Variants in SLFN11 observed in about 807,000 individuals in gnomAD.
SLFN11 encodes the protein schlafen family member 11.
Under a neutral mutation model 53.4 loss-of-function variants are expected in SLFN11, and 43 were observed. The ratio of observed to expected loss-of-function variants is 0.80; its 90% confidence interval spans 0.63 to 1.04. The LOEUF is 1.04. Among genes scored for constraint, SLFN11 ranks in the 50% least tolerant of loss-of-function variants. The pLI, the probability that SLFN11 is intolerant of heterozygous loss-of-function variation, is 0.00. For missense variants in SLFN11, 990 were observed against 1,079.1 expected (o/e 0.92, Z 1.16); for synonymous variants, 389 against 394.7 (o/e 0.99, Z 0.17).
chr17:35,352,242 T>C lies in SLFN11; in HGVS notation c.*114A>G. 7.3e-7 allele frequency: 1 copy of C among 1,364,484 alleles called. No homozygotes were observed. Among genetic ancestry groups the C allele is most frequent in the Non-Finnish European group, 1.0e-6 (1 of 997,794 alleles). 84.5% of individuals were successfully genotyped at this position (1,364,484 alleles called of 1,614,324 possible). A position where few individuals can be genotyped will look rare whatever the true frequency, so the allele number is the denominator to read the frequency against. On this transcript the variant is annotated 3_prime_UTR_variant, in exon 7 of 7. Transcript: ENST00000685675. Reference sequence around the variant, plus strand: ...AGCCAGAAATGGGGGAGCTCCAAACTCTTTGTGTCAGCTCCGTCCAAATCT... The same window carrying C: ...AGCCAGAAATGGGGGAGCTCCAAACCCTTTGTGTCAGCTCCGTCCAAATCT...
Position 35,352,909 on chromosome 17 carries a change from A to G in SLFN11, c.2153T>C (p.Leu718Pro), listed in dbSNP as rs768645411. Residue 718 changes from leucine to proline, a missense_variant, in exon 7 of 7, where the codon CTC (leucine) becomes CCC (proline). Leu to Pro is a moderately conservative substitution (Grantham distance 98, BLOSUM62 -3). Transcript: ENST00000685675. Reference sequence around the variant, plus strand: ...CTCTTCTCTTGGATATTGGTCTGAGAGAGGAGGGAGGCCACTGCAATCCAA... The same window carrying G: ...CTCTTCTCTTGGATATTGGTCTGAGGGAGGAGGGAGGCCACTGCAATCCAA... ...SHLDCSGLPP[L>P]SDQYPREELT... The G allele has an allele frequency of 1.9e-6, 3 of 1,614,160 alleles. No individual in the cohort carries two copies. The Admixed American group carries it at 5.0e-5, about 27-fold the overall frequency.
intron 5 of SLFN11, among the ~76,000 whole-genome samples, chr17:35,357,969 G>A (rs892114013): frequency 1.2e-4 from 17 of 145,154 alleles, no homozygotes; most frequent in Non-Finnish European, 2.3e-4. Flanking sequence ...TGTTTTTCAG[G>A]TTTTAATTTT....
At position 35,370,180 on chromosome 17, in the gene SLFN11, T is replaced by C. The variant is rs1438930169; in HGVS notation, c.-234-2480A>G. 2.6e-5 allele frequency among the ~76,000 whole-genome samples: 4 copies of C among 152,180 alleles called. No homozygotes were observed. In the East Asian group the frequency reaches 7.7e-4, roughly 29 times the overall value. Reference sequence around the variant, plus strand: ...AGGGATGCAAGGATGGTTCAACGTATGCAAATCAGTCAATGTGATACATCA... The same window carrying C: ...AGGGATGCAAGGATGGTTCAACGTACGCAAATCAGTCAATGTGATACATCA... On this transcript the variant is annotated intron_variant, in intron 1 of 6. Transcript: ENST00000685675.
At position 35,358,694 on chromosome 17, in the gene SLFN11, A is replaced by T. The variant is rs558275065; in HGVS notation, c.1198+1549T>A. Among the ~76,000 whole-genome samples, 21 of 152,256 alleles carry T rather than the reference A, an allele frequency of 1.4e-4. No homozygotes were observed. In the East Asian group the frequency reaches 3.9e-3, roughly 28 times the overall value. On this transcript the variant is annotated intron_variant, in intron 5 of 6. Transcript: ENST00000685675. ...TTATTTGCATAGATACACAGAAATG[A>T]TGAATTACATTAACTCTTTAAATGT...
rs1180554724 is a variant in SLFN11, at chr17:35,360,294, A to G, written c.1147T>C (p.Ser383Pro). The part of the protein sequence containing the change: ...SGPPLSRPVY[S>P]KKGLEHKKEL... ...TTTTTATGTTCCAGGCCTTTCTTGG[A>G]GTACACTGGTCTGCTAAGGGGAGGC... is the stretch of plus-strand genomic sequence containing the variant. The change falls in exon 5 of 7, where the codon TCC (serine) becomes CCC (proline). Residue 383 changes from serine to proline, a missense_variant. Around this residue, in one of 3 missense-constraint regions of SLFN11, gnomAD observed 521 missense variants for 516.2 expected, o/e 1.01. Transcript: ENST00000685675. The G allele has an allele frequency of 6.2e-7, 1 of 1,611,026 alleles. No homozygotes were observed. Among genetic ancestry groups the G allele is most frequent in the Non-Finnish European group, 8.5e-7 (1 of 1,179,138 alleles).
At chr17:35,361,238 G>A (rs1443025507) in intron 4 of SLFN11, among the ~76,000 whole-genome samples, 1 of 152,046 alleles carries the variant, frequency 6.6e-6, no homozygotes. Flanking sequence ...AAACATGTTT[G>A]GGAAGCAGTA....
At chr17:35,364,178 G>A (rs781685164) in intron 3 of SLFN11, among the ~76,000 whole-genome samples, 15 of 152,122 alleles carry the variant, frequency 9.9e-5, no homozygotes, top group Non-Finnish European at 1.5e-4. Context: ...GCAGTGGAGC[G>A]CATGAAGGGC....
In SLFN11 at chr17:35,350,376, CTT is replaced by C. The variant is rs1187072750; in HGVS notation, c.*1978_*1979del. ...ACAGAAATGCAGTAGTAAGCTAAAC[CTT>C]TTGCCATTCATAGGGAAACAAATAT... On this transcript the variant is annotated 3_prime_UTR_variant, in exon 7 of 7. Transcript: ENST00000685675. The C allele has an allele frequency of 6.6e-6, 1 of 152,072 alleles. No individual in the cohort carries two copies. Among genetic ancestry groups the C allele is most frequent in the Non-Finnish European group, 1.5e-5 (1 of 68,006 alleles). The allele number at this position is 152,072 out of a possible 1,614,324, so 9.4% of individuals were successfully genotyped here.
intron 5 of SLFN11, among the ~76,000 whole-genome samples, chr17:35,355,750 G>A (rs1210317149): frequency 6.6e-6 from 1 of 151,990 alleles, no homozygotes; most frequent in Non-Finnish European, 1.5e-5. Context: ...ATCATTCCAG[G>A]TGCACCAGAG....
intron 4 of SLFN11, among the ~76,000 whole-genome samples, chr17:35,361,948 T>C (rs1202959925): frequency 1.3e-5 from 2 of 151,888 alleles, no homozygotes; most frequent in Non-Finnish European, 2.9e-5. Flanking sequence ...TTTCACCATA[T>C]TGGTCTTGAA....
At chr17:35,370,116 T>A (rs1011010220) in intron 1 of SLFN11, among the ~76,000 whole-genome samples, 1 of 152,030 alleles carries the variant, frequency 6.6e-6, no homozygotes, top group Non-Finnish European at 1.5e-5. Flanking sequence ...AACAATACAT[T>A]AAAAAGATCA....
chr17:35,371,431 A>T (rs914067784), intron 1 of SLFN11, among the ~76,000 whole-genome samples: 3 of 152,088 alleles, frequency 2.0e-5, no homozygotes, highest in Admixed American at 1.3e-4. Context: ...ATTGAGCAAT[A>T]CCCCACAAGC....
In SLFN11 at chr17:35,353,498, C is replaced by T. The variant is rs1316719827; in HGVS notation, c.1760G>A (p.Arg587Lys). 1.9e-6 allele frequency: 3 copies of T among 1,553,784 alleles called. No individual in the cohort carries two copies. Among genetic ancestry groups the T allele is most frequent in the Non-Finnish European group, 2.6e-6 (3 of 1,143,358 alleles). ...LTAQQYEIFS[R>K]SLRKNRELFV... ...CAACTCTCTGTTCTTGCGGAGGCTTCTGGAGAATATCTCATACTGCTGGGC... is the reference window on the plus strand; with the variant it reads ...CAACTCTCTGTTCTTGCGGAGGCTTTTGGAGAATATCTCATACTGCTGGGC... Residue 587 changes from arginine (R) to lysine (K), a missense_variant, in exon 6 of 7, where the codon AGA becomes AAA. By Grantham distance (26) the Arg-to-Lys change is conservative. Around this residue, in one of 3 missense-constraint regions of SLFN11, gnomAD observed 156 missense variants for 241.9 expected, o/e 0.64. Coordinates refer to ENST00000685675, the MANE Select transcript of SLFN11 (RefSeq NM_001376007.1).
intron 3 of SLFN11, among the ~76,000 whole-genome samples, chr17:35,364,500 G>C (rs757835475): frequency 2.0e-5 from 3 of 152,058 alleles, no homozygotes; most frequent in Non-Finnish European, 4.4e-5. Flanking sequence ...AGTGTTATTA[G>C]GTTTAGTAAA....
chr17:35,371,279 T>C (rs1166266078), intron 1 of SLFN11, among the ~76,000 whole-genome samples: 1 of 152,056 alleles, frequency 6.6e-6, no homozygotes, highest in Non-Finnish European at 1.5e-5. Context: ...CGCAGAACAA[T>C]GAAACTAGAC....
intron 4 of SLFN11, among the ~76,000 whole-genome samples, chr17:35,361,346 T>C (rs967769225): frequency 4.6e-5 from 7 of 151,942 alleles, no homozygotes; most frequent in African/African-American, 1.7e-4. Flanking sequence ...TGGTGATGAG[T>C]GGAAGAAAAG....
intron 3 of SLFN11, among the ~76,000 whole-genome samples, chr17:35,366,211 G>A (rs1485835547): frequency 6.6e-6 from 1 of 152,084 alleles, no homozygotes; most frequent in East Asian, 1.9e-4. Context: ...GAGGGTGGCA[G>A]GGATCGCATT....
chr17:35,360,144 A>T lies in SLFN11; in HGVS notation c.1198+99T>A, dbSNP rs1908016791. The T allele has an allele frequency of 5.5e-6, 7 of 1,284,228 alleles. No homozygotes were observed. The Admixed American group carries it at 1.3e-4, about 24-fold the overall frequency. 79.6% of individuals were successfully genotyped at this position (1,284,228 alleles called of 1,614,324 possible). ...CATCACGTCTTACAAATGGGTTTGC[A>T]GAGCACTTTCAGGATTTTACAAAAC... is the stretch of plus-strand genomic sequence containing the variant. On this transcript the variant is annotated intron_variant, in intron 5 of 6. Transcript: ENST00000685675.
In SLFN11 at chr17:35,363,707, A is replaced by T. The variant is rs1450866256; in HGVS notation, c.101T>A (p.Leu34Gln). ...VTLGEENRKKLQKIQRDQEKE... is the reference protein window; with the variant it reads ...VTLGEENRKKQQKIQRDQEKE... Reference sequence around the variant, plus strand: ...CTCTTGGTCTCTCTGAATTTTCTGCAGCTTTTTTCTGTTTTCTTCTCCAAG... The same window carrying T: ...CTCTTGGTCTCTCTGAATTTTCTGCTGCTTTTTTCTGTTTTCTTCTCCAAG... Residue 34 changes from leucine (L) to glutamine (Q), a missense_variant, in exon 4 of 7, where the codon CTG becomes CAG. Coordinates refer to ENST00000685675, the MANE Select transcript of SLFN11 (RefSeq NM_001376007.1). 6.2e-7 allele frequency: 1 copy of T among 1,613,820 alleles called. No homozygotes were observed. Among genetic ancestry groups the T allele is most frequent in the African/African-American group, 1.3e-5 (1 of 74,908 alleles).
Sources: allele counts gnomAD v4.1 joint callset (sites outside exome capture counted in the v4.1 genomes callset), GRCh38; gene constraint gnomAD v4.1.1; regional missense constraint gnomAD v4.1.1; transcripts MANE v1.5; gene names NCBI Gene and HGNC (gene_info 2026-07-23, HGNC 2026-07-21).